Variants in ARMC9 observed in about 807,000 individuals in gnomAD.
The protein encoded by ARMC9 is lisH domain-containing protein ARMC9.
ARMC9 carries 94 observed loss-of-function variants against 107.0 expected under a neutral mutation model. That is an observed-to-expected ratio of 0.88 (90% confidence interval 0.74 to 1.04). ARMC9 has a LOEUF of 1.04. Among genes scored for constraint, ARMC9 ranks in the 50% least tolerant of loss-of-function variants. The pLI, the probability that ARMC9 is intolerant of heterozygous loss-of-function variation, is 0.00. For synonymous variants in ARMC9, 380 were observed against 396.9 expected (o/e 0.96, Z 0.51); for missense variants, 942 against 1,030.1 (o/e 0.91, Z 1.17).
chr2:231,355,193 G>A (rs2045286700), intron 21 of ARMC9, among the ~76,000 whole-genome samples: 1 of 152,122 alleles, frequency 6.6e-6, no homozygotes, highest in Non-Finnish European at 1.5e-5. Flanking sequence ...AAAAAAATCA[G>A]TTGAGTGTGG....
chr2:231,326,983 T>G (rs1204480545), intron 19 of ARMC9, among the ~76,000 whole-genome samples: 3 of 152,164 alleles, frequency 2.0e-5, no homozygotes, highest in Non-Finnish European at 4.4e-5. Flanking sequence ...GCCCTCCCCC[T>G]GCACCCTTAG....
In ARMC9 at chr2:231,371,712, C is replaced by T. The variant is rs2046027172; in HGVS notation, c.*177C>T. ...GCAAGGCCATCGCAGCCCCGCCAGCCGGGTCACTTTCTCCCAGGGCAGAGC... is the reference window on the plus strand; with the variant it reads ...GCAAGGCCATCGCAGCCCCGCCAGCTGGGTCACTTTCTCCCAGGGCAGAGC... On this transcript the variant is annotated 3_prime_UTR_variant, in exon 25 of 25. Coordinates refer to ENST00000611582, the MANE Select transcript of ARMC9 (RefSeq NM_001352754.2). 6.8e-6 allele frequency: 4 copies of T among 589,038 alleles called. No homozygotes were observed. Among genetic ancestry groups the T allele is most frequent in the African/African-American group, 1.9e-5 (1 of 52,014 alleles). The allele number at this position is 589,038 out of a possible 1,614,324, so 36.5% of individuals were successfully genotyped here.
At chr2:231,272,740 T>G (rs943096448) in intron 13 of ARMC9, among the ~76,000 whole-genome samples, 2 of 151,194 alleles carry the variant, frequency 1.3e-5, no homozygotes, top group African/African-American at 4.9e-5. Flanking sequence ...GGTCTCAAAC[T>G]CCTGGCCTCA....
intron 8 of ARMC9, among the ~76,000 whole-genome samples, chr2:231,237,023 C>T (rs187469969): frequency 3.1e-4 from 47 of 152,282 alleles, no homozygotes; most frequent in Non-Finnish European, 5.3e-4. Context: ...GTAAAAGAAC[C>T]GCGTTGTTTT....
At chr2:231,274,996 A>G (rs2039638898) in intron 14 of ARMC9, among the ~76,000 whole-genome samples, 1 of 143,202 alleles carries the variant, frequency 7.0e-6, no homozygotes, top group Non-Finnish European at 1.6e-5. Context: ...GAAATTCAAT[A>G]ACTATAGTTA....
chr2:231,308,764 G>A (rs532547826), intron 19 of ARMC9, among the ~76,000 whole-genome samples: 1 of 152,304 alleles, frequency 6.6e-6, no homozygotes, highest in East Asian at 1.9e-4. Flanking sequence ...GAGGGTTTGG[G>A]GCCTCCTTTC....
intron 19 of ARMC9, among the ~76,000 whole-genome samples, chr2:231,302,906 A>G (rs1048025391): frequency 1.3e-5 from 2 of 152,190 alleles, no homozygotes; most frequent in African/African-American, 2.4e-5. Flanking sequence ...CTGGAGGCTG[A>G]GGTGGGAGAA....
intron 11 of ARMC9, among the ~76,000 whole-genome samples, chr2:231,261,461 CTG>C (rs1401660716): frequency 1.3e-5 from 2 of 152,234 alleles, no homozygotes; most frequent in East Asian, 1.9e-4. Flanking sequence ...CTGTATCACT[CTG>C]TCATTCCCAA....
intron 11 of ARMC9, among the ~76,000 whole-genome samples, chr2:231,259,848 T>G (rs781661986): frequency 5.9e-5 from 9 of 151,856 alleles, no homozygotes; most frequent in Non-Finnish European, 1.2e-4. Context: ...CAAAAAAAAT[T>G]AGCCAGGCAT....
rs529475641 is a variant in ARMC9 at position 231,228,004 on chromosome 2, C to G, written c.622+1206C>G. Among the ~76,000 whole-genome samples the G allele has an allele frequency of 3.9e-5, 6 of 152,296 alleles. No individual in the cohort carries two copies. In the East Asian group the frequency reaches 9.7e-4, roughly 25 times the overall value. On this transcript the variant is annotated intron_variant, in intron 7 of 24. Transcript: ENST00000611582. ...GAGCACCCTGAGTCTTGGAGCTCCCCAAGGTTGCCCTACCCCCAGTACAGT... is the reference window on the plus strand; with the variant it reads ...GAGCACCCTGAGTCTTGGAGCTCCCGAAGGTTGCCCTACCCCCAGTACAGT...
chr2:231,218,388 T>G (rs2033758945), intron 5 of ARMC9, among the ~76,000 whole-genome samples: 1 of 152,090 alleles, frequency 6.6e-6, no homozygotes, highest in African/African-American at 2.4e-5. Flanking sequence ...AAAATTAAAT[T>G]AAAAAATTTC....
chr2:231,273,050 C>G lies in ARMC9; in HGVS notation c.1306C>G (p.Leu436Val). The part of the protein sequence containing the change: ...DKDIITRENV[L>V]GALQKFSLRR... ...GGATATCATCACCAGGGAGAATGTT[C>G]TTGGGGCCCTGCAGAAGTTCAGTCT... Residue 436 changes from leucine (L) to valine (V), a missense_variant, in exon 14 of 25, where the codon CTT becomes GTT. Leu to Val is a conservative substitution (Grantham distance 32). Transcript: ENST00000611582. The G allele has an allele frequency of 6.2e-7, 1 of 1,613,738 alleles. No homozygotes were observed. Among genetic ancestry groups the G allele is most frequent in the South Asian group, 1.1e-5 (1 of 91,048 alleles).
chr2:231,291,768 T>C (rs989334302), intron 18 of ARMC9, among the ~76,000 whole-genome samples: 23 of 150,232 alleles, frequency 1.5e-4, no homozygotes, highest in African/African-American at 5.2e-4. Context: ...TGAGCCGAGA[T>C]TGCACCACTG....
At chr2:231,212,517 A>G (rs542402263) in intron 3 of ARMC9, among the ~76,000 whole-genome samples, 2 of 151,694 alleles carry the variant, frequency 1.3e-5, no homozygotes, top group African/African-American at 4.8e-5. Context: ...ACGTTTCACA[A>G]GAGTCTGCGC....
intron 7 of ARMC9, among the ~76,000 whole-genome samples, chr2:231,228,736 C>A (rs2034917385): frequency 6.6e-6 from 1 of 152,114 alleles, no homozygotes; most frequent in Non-Finnish European, 1.5e-5. Flanking sequence ...TACCCTGCAT[C>A]TCTGGACCCT....
At chr2:231,274,355 A>T (rs1364041075) in intron 14 of ARMC9, among the ~76,000 whole-genome samples, 1 of 152,026 alleles carries the variant, frequency 6.6e-6, no homozygotes, top group African/African-American at 2.4e-5. Flanking sequence ...TAACCTTGTG[A>T]TCCACCCGCC....
rs141395956 is a variant in ARMC9 at position 231,316,160 on chromosome 2, ATGTGTGTG to A, written c.1774-15607_1774-15600del. ...TTAAAGAAGGAACATGTGTGTATGT[ATGTGTGTG>A]TGTGTGTGTGTGTGTGTGTGTGTGT... is the stretch of plus-strand genomic sequence containing the variant. On this transcript the variant is annotated intron_variant, in intron 19 of 24. Coordinates refer to ENST00000611582, the MANE Select transcript of ARMC9 (RefSeq NM_001352754.2). Among the ~76,000 whole-genome samples, 493 of 147,442 alleles carry A rather than the reference ATGTGTGTG, an allele frequency of 3.3e-3. 1 individual carries two copies. Among genetic ancestry groups the A allele is most frequent in the African/African-American group, 7.9e-3 (319 of 40,490 alleles).
intron 21 of ARMC9, among the ~76,000 whole-genome samples, chr2:231,349,481 A>G (rs2044952941): frequency 6.6e-6 from 1 of 151,988 alleles, no homozygotes; most frequent in Non-Finnish European, 1.5e-5. Flanking sequence ...AATGGTGCCA[A>G]AAAAACACAT....
intron 19 of ARMC9, among the ~76,000 whole-genome samples, chr2:231,301,847 T>C (rs2041749049): frequency 6.6e-6 from 1 of 151,988 alleles, no homozygotes; most frequent in Admixed American, 6.6e-5. Context: ...GGCGTGGTGG[T>C]GCACACCTGT....
Sources: gnomAD v4.1 joint callset for allele counts (sites outside exome capture counted in the v4.1 genomes callset) on GRCh38, gnomAD v4.1.1 for gene constraint, MANE v1.5 for transcripts, NCBI Gene and HGNC (gene_info 2026-07-23, HGNC 2026-07-21) for gene names.